The following CLCN4 variants were observed in gnomAD, a reference collection of about 807,000 sequenced individuals.
CLCN4 encodes Cl-/H+ antiporter 4, also known as H(+)/Cl(-) exchange transporter 4.
A neutral mutation model predicts 41.7 loss-of-function variants in CLCN4; 1 was observed. The observed-to-expected ratio is 0.02, with a 90% CI of 0.01 to 0.11. The LOEUF (loss-of-function observed/expected upper bound fraction) is 0.11. CLCN4 is among the 10% of genes least tolerant of loss of function. The pLI is 1.00. For missense variants in CLCN4, 287 were observed against 661.0 expected (o/e 0.43, Z 6.20); for synonymous variants, 277 against 285.8 (o/e 0.97, Z 0.31).
chrX:10,221,446 A>T (rs1924859210), intron 12 of CLCN4, among the ~76,000 whole-genome samples: 1 of 111,310 alleles, frequency 9.0e-6, no homozygotes, highest in South Asian at 3.8e-4. Flanking sequence ...GGATCACTTG[A>T]GCCCAGGAGT....
At chrX:10,189,110 G>A (rs1405598105) in intron 4 of CLCN4, among the ~76,000 whole-genome samples, 2 of 112,156 alleles carry the variant, frequency 1.8e-5, no homozygotes, top group African/African-American at 6.5e-5. Context: ...GCCTTTGAAG[G>A]TGGGCCAGGT....
intron 5 of CLCN4, 115 bp downstream of exon 5, chrX:10,195,213 A>G: frequency 1.3e-6 from 1 of 741,004 alleles, no homozygotes; most frequent in South Asian, 2.6e-5. Context: ...CCTGCTCTGA[A>G]GTTCGTGGCT....
chrX:10,194,087 G>C (rs1012471840), intron 4 of CLCN4, among the ~76,000 whole-genome samples: 23 of 110,257 alleles, frequency 2.1e-4, no homozygotes, highest in African/African-American at 7.6e-4. Flanking sequence ...TGAGGTGGGC[G>C]GTGTCCGATG....
chrX:10,185,653 A>C (rs774846330), intron 3 of CLCN4, among the ~76,000 whole-genome samples: 2 of 111,685 alleles, frequency 1.8e-5, no homozygotes, highest in Non-Finnish European at 3.8e-5. Context: ...TTGAAAGATG[A>C]CTAAGATTTT....
chrX:10,236,321 G>C lies in CLCN4; in HGVS notation c.*2737G>C, dbSNP rs1212861449. On this transcript the variant is annotated 3_prime_UTR_variant, in exon 13 of 13. Transcript: ENST00000380833. ...GATACCTGCAAATTCATGGCAAACAGTTGGAAGAGTTACTTGACTGAAACA... is the reference window on the plus strand; with the variant it reads ...GATACCTGCAAATTCATGGCAAACACTTGGAAGAGTTACTTGACTGAAACA... The C allele has an allele frequency of 8.9e-6, 1 of 112,096 alleles. No homozygotes were observed. Among genetic ancestry groups the C allele is most frequent in the Non-Finnish European group, 1.9e-5 (1 of 53,155 alleles). The allele number at this position is 112,096 out of a possible 1,213,427, so 9.2% of individuals were successfully genotyped here. A position where few individuals can be genotyped will look rare whatever the true frequency, so the allele number is the denominator to read the frequency against.
rs1350695055 is a variant in CLCN4, at chrX:10,158,547, T to G, written c.-16T>G. 2 of 294,908 alleles carry G rather than the reference T, an allele frequency of 6.8e-6. No individual in the cohort carries two copies. The highest frequency in any genetic ancestry group is 1.2e-5 in the Non-Finnish European group (2 of 168,466). 24.3% of individuals were successfully genotyped at this position (294,908 alleles called of 1,213,427 possible). ...GGCGGCCGCGGGCGCGATGCGGCAC[T>G]GCAGGTAAGGGGCGCGCGGCGCCTG... On this transcript the variant is annotated 5_prime_UTR_variant, in exon 2 of 13. Transcript: ENST00000380833.
intron 9 of CLCN4, among the ~76,000 whole-genome samples, chrX:10,211,439 T>C (rs753036857): frequency 9.0e-6 from 1 of 111,339 alleles, no homozygotes; most frequent in East Asian, 2.8e-4. Context: ...TTTGTTTTCA[T>C]GTCTCAGGAA....
intron 6 of CLCN4, among the ~76,000 whole-genome samples, chrX:10,198,602 A>G (rs1202615225): frequency 8.9e-6 from 1 of 112,059 alleles, no homozygotes; most frequent in African/African-American, 3.3e-5. Flanking sequence ...CCTTTAATAC[A>G]TGTACTGTGA....
At chrX:10,166,648 C>G (rs1405356500) in intron 2 of CLCN4, among the ~76,000 whole-genome samples, 1 of 112,085 alleles carries the variant, frequency 8.9e-6, no homozygotes, top group African/African-American at 3.2e-5. Context: ...TTATCTGTAA[C>G]GTGGGCCTGA....
chrX:10,158,720 A>G (rs1923019095), intron 2 of CLCN4, among the ~76,000 whole-genome samples, 169 bp downstream of exon 2: 1 of 113,200 alleles, frequency 8.8e-6, no homozygotes, highest in Non-Finnish European at 1.9e-5. Flanking sequence ...CTGCAGCTGC[A>G]TGCACCCGGC....
Position 10,190,822 on chromosome X carries a change from T to G in CLCN4, c.244+3208T>G, listed in dbSNP as rs753561040. ...AAAGAATAAATCAGGAAATAGCTAA[T>G]GATATCTCTAACTTAATTAGACTAA... is the stretch of plus-strand genomic sequence containing the variant. On this transcript the variant is annotated intron_variant, in intron 4 of 12. Transcript: ENST00000380833. 2.7e-5 allele frequency among the ~76,000 whole-genome samples: 3 copies of G among 112,416 alleles called. No individual in the cohort carries two copies. In the East Asian group the frequency reaches 8.3e-4, roughly 31 times the overall value.
rs752282205 is a variant in CLCN4 at position 10,180,201 on chromosome X, G to A, written c.-11-4821G>A. Among the ~76,000 whole-genome samples the A allele has an allele frequency of 1.6e-3, 179 of 111,707 alleles. 1 individual carries two copies. The highest frequency in any genetic ancestry group is 5.6e-3 in the African/African-American group (171 of 30,672). On this transcript the variant is annotated intron_variant, in intron 2 of 12. Coordinates refer to ENST00000380833, the MANE Select transcript of CLCN4 (RefSeq NM_001830.4). ...TTTGTCAAGAAGTTTTGTAAGTTGG[G>A]TGGTTGGTTGTGTGTTTTAAAAAAA... is the stretch of plus-strand genomic sequence containing the variant.
chrX:10,183,575 C>T (rs187875548), intron 2 of CLCN4, among the ~76,000 whole-genome samples: 2,551 of 111,944 alleles, frequency 0.023, 30 homozygotes, highest in Non-Finnish European at 0.034. Context: ...ATATTCCAAC[C>T]TCTTGTCTCT....
At chrX:10,203,860 T>C in intron 6 of CLCN4, among the ~76,000 whole-genome samples, 1 of 111,875 alleles carries the variant, frequency 8.9e-6, no homozygotes, top group South Asian at 3.7e-4. Flanking sequence ...GGCAGAGCAA[T>C]GCCCACAAGG....
rs1925250124 is a variant in CLCN4 at position 10,236,297 on chromosome X, A to T, written c.*2713A>T. On this transcript the variant is annotated 3_prime_UTR_variant, in exon 13 of 13. Transcript: ENST00000380833. The stretch of plus-strand genomic sequence containing the variant: ...GTCCTCCCCAGTGCTTAGAGTAGAG[A>T]TACCTGCAAATTCATGGCAAACAGT... 1 of 111,911 alleles carries T rather than the reference A, an allele frequency of 8.9e-6. No homozygotes were observed. Among genetic ancestry groups the T allele is most frequent in the African/African-American group, 3.2e-5 (1 of 30,782 alleles). The allele number at this position is 111,911 out of a possible 1,213,427, so 9.2% of individuals were successfully genotyped here.
At chrX:10,203,557 C>A (rs939154334) in intron 6 of CLCN4, among the ~76,000 whole-genome samples, 3 of 111,737 alleles carry the variant, frequency 2.7e-5, no homozygotes, top group Non-Finnish European at 5.6e-5. Flanking sequence ...AGTAGAAGGA[C>A]CTGGTGAAAG....
intron 12 of CLCN4, among the ~76,000 whole-genome samples, chrX:10,227,740 T>G (rs753250669): frequency 8.9e-6 from 1 of 112,112 alleles, no homozygotes; most frequent in Non-Finnish European, 1.9e-5. Context: ...ACATTTCATG[T>G]CAATACAGTC....
chrX:10,187,203 C>G (rs1037512240), intron 3 of CLCN4, among the ~76,000 whole-genome samples: 2 of 112,179 alleles, frequency 1.8e-5, no homozygotes, highest in Non-Finnish European at 3.8e-5. Flanking sequence ...AACCAATGTC[C>G]CCCTTCAGCA....
At chrX:10,173,107 C>A (rs1466837153) in intron 2 of CLCN4, among the ~76,000 whole-genome samples, 2 of 111,048 alleles carry the variant, frequency 1.8e-5, no homozygotes, top group Non-Finnish European at 3.8e-5. Context: ...GCCCTCTTCC[C>A]CTCCCCTCTC....
Sources: gnomAD v4.1 joint callset for allele counts (sites outside exome capture counted in the v4.1 genomes callset) on GRCh38, gnomAD v4.1.1 for gene constraint, MANE v1.5 for transcripts, NCBI Gene and HGNC (gene_info 2026-07-23, HGNC 2026-07-21) for gene names.